IFT88: variants seen among roughly 807,000 people sequenced by gnomAD.
IFT88 encodes intraflagellar transport protein 88 homolog.
In IFT88, 74 loss-of-function variants were observed where a neutral mutation model predicts 119.5. The observed-to-expected ratio is 0.62, with a 90% confidence interval of 0.51 to 0.75. The LOEUF is 0.75. Among genes scored for constraint, IFT88 ranks in the 30% least tolerant of loss-of-function variants. The probability of loss-of-function intolerance (pLI) is 0.00; values close to 1 mark genes in which losing one functional copy is unlikely to be tolerated. For synonymous variants in IFT88, 279 were observed against 316.7 expected (o/e 0.88, Z 1.26); for missense variants, 961 against 977.7 (o/e 0.98, Z 0.23).
At chr13:20,595,034 GT>G (rs66903800) in intron 7 of IFT88, among the ~76,000 whole-genome samples, 61,196 of 151,974 alleles carry the variant, frequency 0.4, 13,994 homozygotes, top group Middle Eastern at 0.52. Context: ...ATTTTGAAAG[GT>G]AACTGATTTG....
chr13:20,687,746 G>T (rs148795098), intron 24 of IFT88, among the ~76,000 whole-genome samples: 41 of 152,066 alleles, frequency 2.7e-4, no homozygotes, highest in Middle Eastern at 3.4e-3. Context: ...AAGAAAAGAA[G>T]AAGGGGGAGG....
At chr13:20,607,674 T>C in intron 13 of IFT88, 1 of 881,736 alleles carries the variant, frequency 1.1e-6, no homozygotes, top group South Asian at 1.3e-5. Flanking sequence ...GCTTTCCTGG[T>C]CAGCAGCGAC....
At chr13:20,616,792 A>G (rs1229979269) in intron 14 of IFT88, among the ~76,000 whole-genome samples, 1 of 152,208 alleles carries the variant, frequency 6.6e-6, no homozygotes, top group Non-Finnish European at 1.5e-5. Context: ...GTTTGTTTAC[A>G]CCAACATCAC....
At chr13:20,646,321 A>C (rs1175291619) in intron 20 of IFT88, among the ~76,000 whole-genome samples, 1 of 148,558 alleles carries the variant, frequency 6.7e-6, no homozygotes, top group African/African-American at 2.5e-5. Context: ...TTTGAGACAG[A>C]GGACGGAGTC....
chr13:20,673,781 C>T (rs1263574966), intron 24 of IFT88, among the ~76,000 whole-genome samples: 1 of 152,140 alleles, frequency 6.6e-6, no homozygotes, highest in African/African-American at 2.4e-5. Context: ...TTCTTTCTTC[C>T]AGTCCATTTC....
chr13:20,671,859 C>A (rs1349436728), intron 24 of IFT88, among the ~76,000 whole-genome samples: 1 of 152,196 alleles, frequency 6.6e-6, no homozygotes, highest in African/African-American at 2.4e-5. Flanking sequence ...TGCATTCTGT[C>A]ATATCTGTTT....
In IFT88 at chr13:20,609,051, C is replaced by A. The variant is rs542965484; in HGVS notation, c.1112+3946C>A. ...TGTTTGGTAGGGAGATCTTGATTTT[C>A]TGAGGATGTTGCATTTTTCTAGGGA... is the stretch of plus-strand genomic sequence containing the variant. On this transcript the variant is annotated intron_variant, in intron 13 of 25. Coordinates refer to ENST00000351808, the MANE Select transcript of IFT88 (RefSeq NM_006531.5). Among the ~76,000 whole-genome samples the A allele has an allele frequency of 9.9e-4, 150 of 152,268 alleles. 2 individuals carry two copies. The South Asian group carries it at 0.029, about 29-fold the overall frequency.
rs1321774833 is a variant in IFT88, at chr13:20,567,196, T to G, written c.-67T>G. 1 of 152,284 alleles carries G rather than the reference T, an allele frequency of 6.6e-6. No homozygotes were observed. The highest frequency in any genetic ancestry group is 2.4e-5 in the African/African-American group (1 of 41,448). The allele number at this position is 152,284 out of a possible 1,614,324, so 9.4% of individuals were successfully genotyped here. Reference sequence around the variant, plus strand: ...TTGGCAACGGCTCGGCGTCGCGCTTTGGCCAACCGCTGCGTCGTCCCTGGG... The same window carrying G: ...TTGGCAACGGCTCGGCGTCGCGCTTGGGCCAACCGCTGCGTCGTCCCTGGG... On this transcript the variant is annotated 5_prime_UTR_variant, in exon 1 of 26. Transcript: ENST00000351808.
At position 20,592,336 on chromosome 13, in the gene IFT88, C is replaced by T; in HGVS notation, c.330C>T (p.Gly110=). The change falls in exon 7 of 26, where the codon GGC becomes GGT. Residue 110 remains glycine, a splice_region_variant and synonymous_variant. Coordinates refer to ENST00000351808, the MANE Select transcript of IFT88 (RefSeq NM_006531.5). The part of the protein sequence containing the change: ...AAGFTKAALR[G]SAFDPLSQSR... ...ATTAACTCTTGAATTGTGTCTCAGG[C>T]TCTGCATTTGACCCCCTTAGTCAGT... The T allele has an allele frequency of 6.2e-7, 1 of 1,607,160 alleles. No individual in the cohort carries two copies. Among genetic ancestry groups the T allele is most frequent in the Non-Finnish European group, 8.5e-7 (1 of 1,177,364 alleles).
chr13:20,567,616 C>A, intron 1 of IFT88: 1 of 465,764 alleles, frequency 2.1e-6, no homozygotes, highest in Non-Finnish European at 2.9e-6. Flanking sequence ...ACTGCGCCAG[C>A]TCTGGAATCG....
In IFT88 at chr13:20,643,482, A is replaced by G. The variant is rs769508095; in HGVS notation, c.1710A>G (p.Gln570=). Residue 570 remains glutamine, a synonymous_variant, in exon 19 of 26, where the codon CAA becomes CAG. Transcript: ENST00000351808. Reference sequence around the variant, plus strand: ...ATGAATTAATGGAAAATCCCAGTCAAGCTATTGAATGGCTAATGCAGGTGG... The same window carrying G: ...ATGAATTAATGGAAAATCCCAGTCAGGCTATTGAATGGCTAATGCAGGTGG... ...NIYELMENPS[Q]AIEWLMQVVS... is the part of the protein sequence containing the mutation. 15 of 1,604,298 alleles carry G rather than the reference A, an allele frequency of 9.3e-6. No homozygotes were observed. In the East Asian group the frequency reaches 2.9e-4, roughly 31 times the overall value.
chr13:20,587,105 T>A (rs557955389), intron 3 of IFT88, among the ~76,000 whole-genome samples: 4 of 152,346 alleles, frequency 2.6e-5, no homozygotes, highest in Non-Finnish European at 4.4e-5. Flanking sequence ...ATGCTTTCAA[T>A]TTTTTGAAAT....
chr13:20,615,992 TTATC>T (rs912980019), intron 14 of IFT88, 113 bp downstream of exon 14: 55 of 531,586 alleles, frequency 1.0e-4, no homozygotes, highest in Admixed American at 6.5e-4. Flanking sequence ...TGATTCATAT[TTATC>T]AAGCAGATAA....
At chr13:20,644,196 A>G in intron 19 of IFT88, among the ~76,000 whole-genome samples, 1 of 152,234 alleles carries the variant, frequency 6.6e-6, no homozygotes, top group Middle Eastern at 3.4e-3. Context: ...ACAAGACCCC[A>G]TCTCTACAAA....
In IFT88 at chr13:20,574,967, C is replaced by T. The variant is rs117957304; in HGVS notation, c.90+492C>T. Among the ~76,000 whole-genome samples, 885 of 151,986 alleles carry T rather than the reference C, an allele frequency of 5.8e-3. 6 individuals are homozygous for T. The highest frequency in any genetic ancestry group is 0.017 in the Middle Eastern group (5 of 294). ...TTTATCCTTTGTGTTCCAAACAATC[C>T]GATTATATTCTTTTAGTTATTTTTA... On this transcript the variant is annotated intron_variant, in intron 2 of 25. Coordinates refer to ENST00000351808, the MANE Select transcript of IFT88 (RefSeq NM_006531.5).
chr13:20,614,350 G>C (rs2139610446), intron 13 of IFT88: 1 of 152,208 alleles, frequency 6.6e-6, no homozygotes, highest in South Asian at 2.1e-4. Context: ...TGCTTTTTCT[G>C]TAACAGTTGA....
intron 2 of IFT88, among the ~76,000 whole-genome samples, chr13:20,582,576 G>T (rs1253679631): frequency 6.6e-6 from 1 of 152,066 alleles, no homozygotes; most frequent in East Asian, 1.9e-4. Flanking sequence ...GAGAAAGACA[G>T]GGGGATGGTG....
chr13:20,579,526 G>T (rs79564413), intron 2 of IFT88, among the ~76,000 whole-genome samples: 2,951 of 152,256 alleles, frequency 0.019, 108 homozygotes, highest in African/African-American at 0.066. Flanking sequence ...TGCCAGGCCT[G>T]GGACTCACCC....
chr13:20,646,296 CTTTT>C (rs57699433), intron 20 of IFT88, among the ~76,000 whole-genome samples: 2 of 137,292 alleles, frequency 1.5e-5, no homozygotes. Flanking sequence ...CCAATAAAAT[CTTTT>C]TTTTTTTTTT....
Sources: gnomAD v4.1 joint callset for allele counts (sites outside exome capture counted in the v4.1 genomes callset) on GRCh38, gnomAD v4.1.1 for gene constraint, MANE v1.5 for transcripts, NCBI Gene and HGNC (gene_info 2026-07-23, HGNC 2026-07-21) for gene names.